ZMYM4: variants seen among roughly 807,000 people sequenced by gnomAD.
ZMYM4 encodes the protein zinc finger MYM-type protein 4.
In ZMYM4, 31 loss-of-function variants were observed where a neutral mutation model predicts 183.2. That is an observed-to-expected ratio of 0.17 (90% confidence interval 0.13 to 0.23). The LOEUF is 0.23. Ranked by LOEUF, ZMYM4 falls within the 10% of genes least tolerant of loss-of-function variation. The pLI, the probability that ZMYM4 is intolerant of heterozygous loss-of-function variation, is 1.00. For missense variants in ZMYM4, 1,273 were observed against 1,840.3 expected, an observed-to-expected ratio of 0.69 and a Z score of 5.64; for synonymous variants, 592 against 631.2, an observed-to-expected ratio of 0.94 and a Z score of 0.93.
chr1:35,297,423 T>A (rs1220086802), intron 1 of ZMYM4, among the ~76,000 whole-genome samples: 1 of 150,910 alleles, frequency 6.6e-6, no homozygotes, highest in Non-Finnish European at 1.5e-5. Context: ...TGCTGTGAGC[T>A]GAGGTTGCAG....
At chr1:35,321,777 C>T (rs1383723432) in intron 1 of ZMYM4, among the ~76,000 whole-genome samples, 2 of 151,486 alleles carry the variant, frequency 1.3e-5, no homozygotes, top group Non-Finnish European at 2.9e-5. Context: ...TCCTATAATC[C>T]CAGTAACTCA....
intron 1 of ZMYM4, among the ~76,000 whole-genome samples, chr1:35,306,725 C>T (rs998641333): frequency 6.6e-6 from 1 of 152,120 alleles, no homozygotes; most frequent in Non-Finnish European, 1.5e-5. Context: ...TTCTTTTACA[C>T]CTATACTCCA....
At chr1:35,269,878 A>C (rs1639510653) in intron 1 of ZMYM4, among the ~76,000 whole-genome samples, 1 of 152,164 alleles carries the variant, frequency 6.6e-6, no homozygotes. Flanking sequence ...CTATCGATTG[A>C]GCAATATCCC....
At chr1:35,414,664 A>C (rs1431861574) in intron 27 of ZMYM4, among the ~76,000 whole-genome samples, 1 of 152,244 alleles carries the variant, frequency 6.6e-6, no homozygotes, top group African/African-American at 2.4e-5. Context: ...CCTGTTTTGC[A>C]ATCTATGAGC....
intron 18 of ZMYM4, among the ~76,000 whole-genome samples, chr1:35,396,285 A>G (rs909914446): frequency 7.9e-5 from 12 of 152,078 alleles, no homozygotes; most frequent in African/African-American, 1.2e-4. Flanking sequence ...CCCTGTTTCA[A>G]TCCTTTCAAT....
chr1:35,342,837 C>CT (rs1643252994), intron 2 of ZMYM4, among the ~76,000 whole-genome samples: 1 of 151,156 alleles, frequency 6.6e-6, no homozygotes. Flanking sequence ...CGCCCAGCTA[C>CT]TTTTTTTTTC....
chr1:35,381,635 C>T lies in ZMYM4; in HGVS notation c.1446C>T (p.Thr482=). 3 of 1,614,168 alleles carry T rather than the reference C, an allele frequency of 1.9e-6. No individual in the cohort carries two copies. The highest frequency in any genetic ancestry group is 2.5e-6 in the Non-Finnish European group (3 of 1,180,026). ...FSKFRSANNL[T]MNCCENCGGY... is the part of the protein sequence containing the mutation. ...AGTTTCGTTCTGCTAACAACCTCAC[C>T]ATGAACTGTTGTGAGAACTGTGGGG... Residue 482 remains threonine (T), a synonymous_variant, in exon 9 of 30, where the codon ACC becomes ACT. Coordinates refer to ENST00000314607, the MANE Select transcript of ZMYM4 (RefSeq NM_005095.3).
chr1:35,391,779 A>G (rs1644709821), intron 15 of ZMYM4, among the ~76,000 whole-genome samples: 1 of 152,258 alleles, frequency 6.6e-6, no homozygotes, highest in African/African-American at 2.4e-5. Context: ...ATGGTGGCTC[A>G]TGCCTGTAAT....
chr1:35,269,012 G>T lies in ZMYM4; in HGVS notation c.-35G>T. 1 of 1,522,506 alleles carries T rather than the reference G, an allele frequency of 6.6e-7. No homozygotes were observed. The highest frequency in any genetic ancestry group is 8.8e-7 in the Non-Finnish European group (1 of 1,135,100). 94.3% of individuals were successfully genotyped at this position (1,522,506 alleles called of 1,614,324 possible). ...GGCCGAGAGGTACCGCCGCCACCGC[G>T]CGGGGAGCCGCAGCGGTTCCGAGCG... On this transcript the variant is annotated 5_prime_UTR_variant, in exon 1 of 30. Coordinates refer to ENST00000314607, the MANE Select transcript of ZMYM4 (RefSeq NM_005095.3).
intron 2 of ZMYM4, among the ~76,000 whole-genome samples, chr1:35,327,550 C>T (rs887768948): frequency 1.3e-5 from 2 of 151,976 alleles, no homozygotes; most frequent in East Asian, 1.9e-4. Context: ...TTTAGACTAC[C>T]GTCTGACTAT....
At chr1:35,296,843 C>CTTTCTTTTTTTTTTTTTT (rs1553163901) in intron 1 of ZMYM4, among the ~76,000 whole-genome samples, 3 of 95,602 alleles carry the variant, frequency 3.1e-5, no homozygotes, top group Admixed American at 1.3e-4. Flanking sequence ...TTCTTTCTTT[C>CTTTCTTTTTTTTTTTTTT]TTTTTTTTTT....
intron 1 of ZMYM4, among the ~76,000 whole-genome samples, chr1:35,294,531 A>T (rs1640914264): frequency 6.6e-6 from 1 of 152,166 alleles, no homozygotes; most frequent in South Asian, 2.1e-4. Context: ...TAGGGTCTTA[A>T]ATATGATACT....
In ZMYM4 at chr1:35,325,455, T is replaced by C. The variant is rs753094528; in HGVS notation, c.85+50T>C. 9.6e-6 allele frequency: 15 copies of C among 1,561,532 alleles called. No individual in the cohort carries two copies. The African/African-American group carries it at 1.8e-4, about 18-fold the overall frequency. On this transcript the variant is annotated intron_variant, in intron 2 of 29. Transcript: ENST00000314607. The stretch of plus-strand genomic sequence containing the variant: ...ATCATGTCTTTAGATAGAAAATGAA[T>C]GTTAATCTAGATGTGGTATTTAACT...
chr1:35,347,742 G>A (rs535104937), intron 2 of ZMYM4, among the ~76,000 whole-genome samples: 1 of 152,198 alleles, frequency 6.6e-6, no homozygotes, highest in East Asian at 1.9e-4. Flanking sequence ...CCTAAAGATT[G>A]GGGTATAGTT....
chr1:35,354,538 C>G (rs1338730568), intron 2 of ZMYM4, among the ~76,000 whole-genome samples: 1 of 151,934 alleles, frequency 6.6e-6, no homozygotes, highest in Non-Finnish European at 1.5e-5. Context: ...ACCAGCCTGG[C>G]CAACATGGTG....
At position 35,288,728 on chromosome 1, in the gene ZMYM4, TGGTGAGCAGA is replaced by T. The variant is rs1332069385; in HGVS notation, c.39+19646_39+19655del. On this transcript the variant is annotated intron_variant, in intron 1 of 29. Transcript: ENST00000314607. The stretch of plus-strand genomic sequence containing the variant: ...ACTTGCTGAGCTTTCAGTTGTCTCA[TGGTGAGCAGA>T]GGGCATCTTTTCTTTGAAACTCAGA... Among the ~76,000 whole-genome samples the T allele has an allele frequency of 1.3e-4, 19 of 148,480 alleles. No individual in the cohort carries two copies. In the East Asian group the frequency reaches 3.7e-3, roughly 29 times the overall value.
intron 7 of ZMYM4, among the ~76,000 whole-genome samples, chr1:35,372,148 T>C (rs1397618758): frequency 6.6e-6 from 1 of 152,226 alleles, no homozygotes; most frequent in Non-Finnish European, 1.5e-5. Context: ...CAGATTAAGA[T>C]ATTTTATATC....
chr1:35,324,582 T>C (rs78737667), intron 1 of ZMYM4, among the ~76,000 whole-genome samples: 2,052 of 152,314 alleles, frequency 0.013, 49 homozygotes, highest in African/African-American at 0.047. Context: ...TCTACAGTTA[T>C]GTAGGTAGCT....
chr1:35,286,903 T>C (rs1241869419), intron 1 of ZMYM4, among the ~76,000 whole-genome samples: 2 of 141,208 alleles, frequency 1.4e-5, no homozygotes, highest in African/African-American at 5.2e-5. Context: ...ATTATAGGTG[T>C]GAACCACCCT....
Sources: gnomAD v4.1 joint callset for allele counts (sites outside exome capture counted in the v4.1 genomes callset) on GRCh38, gnomAD v4.1.1 for gene constraint, MANE v1.5 for transcripts, NCBI Gene and HGNC (gene_info 2026-07-23, HGNC 2026-07-21) for gene names.